LAMA1: variants seen among roughly 807,000 people sequenced by gnomAD.
LAMA1 encodes laminin subunit alpha 1.
In LAMA1, 219 loss-of-function variants were observed where a neutral mutation model predicts 348.7. The observed-to-expected ratio is 0.63, with a 90% CI of 0.56 to 0.70. LAMA1 has a LOEUF of 0.70. LAMA1 is among the 30% of genes least tolerant of loss of function. The pLI, the probability that LAMA1 is intolerant of heterozygous loss-of-function variation, is 0.00. For synonymous variants in LAMA1, 1,487 were observed against 1,491.0 expected (o/e 1.00, Z 0.06); for missense variants, 3,744 against 3,888.0 (o/e 0.96, Z 0.99).
rs546146841 is a variant in LAMA1 at position 7,018,487 on chromosome 18, T to C, written c.2702-1103A>G. Among the ~76,000 whole-genome samples the C allele has an allele frequency of 3.7e-4, 55 of 150,524 alleles. 1 individual carries two copies. In the South Asian group the frequency reaches 5.5e-3, roughly 15 times the overall value. ...CTCAGCTCACTGCAAGCTCCGCCTT[T>C]CGGGTTCATGCCATTCTCCTGCCTC... On this transcript the variant is annotated intron_variant, in intron 19 of 62. Transcript: ENST00000389658.
intron 36 of LAMA1, among the ~76,000 whole-genome samples, chr18:6,987,248 A>G (rs1426257694): frequency 6.6e-6 from 1 of 152,214 alleles, no homozygotes; most frequent in African/African-American, 2.4e-5. Context: ...TGGATTCAGG[A>G]AATTGGGACA....
At chr18:6,982,361 G>C in intron 41 of LAMA1, 136 bp downstream of exon 41, 1 of 804,418 alleles carries the variant, frequency 1.2e-6, no homozygotes, top group Non-Finnish European at 2.2e-6. Context: ...TTATATGATA[G>C]GAAATTGGAA....
At chr18:7,089,519 T>C (rs1280177108) in intron 1 of LAMA1, among the ~76,000 whole-genome samples, 1 of 152,128 alleles carries the variant, frequency 6.6e-6, no homozygotes, top group African/African-American at 2.4e-5. Flanking sequence ...GCCCATGACC[T>C]CTCACCCACA....
intron 49 of LAMA1, 129 bp from the exon 50 acceptor site, chr18:6,965,561 G>A: frequency 2.8e-6 from 3 of 1,069,146 alleles, no homozygotes; most frequent in South Asian, 2.6e-5. Context: ...CACAGCCAGA[G>A]GTCTATCGGC....
At chr18:7,112,884 C>T (rs2058341473) in intron 1 of LAMA1, among the ~76,000 whole-genome samples, 1 of 152,160 alleles carries the variant, frequency 6.6e-6, no homozygotes, top group East Asian at 1.9e-4. Context: ...ACCCACCTGC[C>T]TCGGCCTCCC....
At position 6,973,051 on chromosome 18, in the gene LAMA1, T is replaced by C. The variant is rs749400822; in HGVS notation, c.6774+6A>G. Reference sequence around the variant, plus strand: ...GTCCTGTTCAGAAGAACTTTCGTAATGTTACCTTGATTTGTCCTCCAAGAC... The same window carrying C: ...GTCCTGTTCAGAAGAACTTTCGTAACGTTACCTTGATTTGTCCTCCAAGAC... On this transcript the variant is annotated splice_donor_region_variant and intron_variant, in intron 47 of 62. Coordinates refer to ENST00000389658, the MANE Select transcript of LAMA1 (RefSeq NM_005559.4). 28 of 1,614,040 alleles carry C rather than the reference T, an allele frequency of 1.7e-5. No individual in the cohort carries two copies. The highest frequency in any genetic ancestry group is 2.2e-5 in the Non-Finnish European group (26 of 1,179,990).
intron 4 of LAMA1, 86 bp downstream of exon 4, chr18:7,050,608 T>C (rs2144201914): frequency 6.3e-7 from 1 of 1,583,980 alleles, no homozygotes; most frequent in Admixed American, 1.7e-5. Context: ...TTAAAGATCT[T>C]TGTATTGAGA....
chr18:7,033,044 C>T lies in LAMA1; in HGVS notation c.2103G>A (p.Val701=), dbSNP rs1218433410. The change falls in exon 15 of 63, where the codon GTG becomes GTA. Residue 701 remains valine, a synonymous_variant. Transcript: ENST00000389658. ...CACAGTGCTCCACATCAGCGGCCAC[C>T]ACCAGGTCGATGGCATTAGAGCTGG... ...DIASSNAIDL[V]VAADVEHCEC... is the part of the protein sequence containing the mutation. 1.9e-6 allele frequency: 3 copies of T among 1,612,576 alleles called. No homozygotes were observed. Among genetic ancestry groups the T allele is most frequent in the Admixed American group, 1.7e-5 (1 of 59,960 alleles).
chr18:6,965,795 T>C (rs1281493775), intron 49 of LAMA1: 6 of 397,228 alleles, frequency 1.5e-5, no homozygotes, highest in Admixed American at 8.6e-5. Flanking sequence ...GAAATTCCCA[T>C]GGATGGAATT....
intron 48 of LAMA1, among the ~76,000 whole-genome samples, chr18:6,967,904 A>G (rs765836184): frequency 3.3e-5 from 5 of 151,914 alleles, no homozygotes; most frequent in African/African-American, 1.2e-4. Context: ...CTCTCCCCAA[A>G]CAGGGCCTGC....
chr18:6,998,113 T>C (rs2057791232), intron 32 of LAMA1, among the ~76,000 whole-genome samples: 1 of 152,092 alleles, frequency 6.6e-6, no homozygotes, highest in Middle Eastern at 3.2e-3. Context: ...TCAGATCAGA[T>C]AAGTAACTTC....
intron 15 of LAMA1, 101 bp downstream of exon 15, chr18:7,032,883 T>A (rs1055572310): frequency 4.1e-5 from 36 of 888,664 alleles, no homozygotes; most frequent in Admixed American, 6.0e-5. Context: ...ATTGGGCTGC[T>A]AAAGCTAAAA....
intron 41 of LAMA1, 115 bp from the exon 42 acceptor site, chr18:6,980,752 C>G: frequency 1.5e-6 from 1 of 668,972 alleles, no homozygotes; most frequent in Non-Finnish European, 2.7e-6. Context: ...AAAGAGATTC[C>G]CAATATTGAC....
Position 6,985,332 on chromosome 18 carries a change from C to T in LAMA1, c.5565G>A (p.Leu1855=). Residue 1855 remains leucine, a synonymous_variant, in exon 39 of 63, where the codon CTG becomes CTA. Coordinates refer to ENST00000389658, the MANE Select transcript of LAMA1 (RefSeq NM_005559.4). ...SAKIRHHIDD[L]VMHMSQRNAV... Reference sequence around the variant, plus strand: ...CGTTCCTTTGGGACATGTGCATGACCAGGTCATCTATGTGGTGCCTGATTT... The same window carrying T: ...CGTTCCTTTGGGACATGTGCATGACTAGGTCATCTATGTGGTGCCTGATTT... 6.2e-7 allele frequency: 1 copy of T among 1,614,202 alleles called. No homozygotes were observed. Among genetic ancestry groups the T allele is most frequent in the Non-Finnish European group, 8.5e-7 (1 of 1,180,042 alleles).
intron 28 of LAMA1, among the ~76,000 whole-genome samples, chr18:7,007,686 T>C (rs1160256909): frequency 1.3e-5 from 2 of 152,168 alleles, no homozygotes; most frequent in Non-Finnish European, 1.5e-5. Context: ...TGAACCCCTA[T>C]GTTCATAGCG....
At chr18:6,988,434 C>T (rs898618596) in intron 36 of LAMA1, among the ~76,000 whole-genome samples, 1 of 152,188 alleles carries the variant, frequency 6.6e-6, no homozygotes, top group African/African-American at 2.4e-5. Context: ...GTACTAAAAG[C>T]TTTGAGAAGA....
At chr18:6,998,928 G>A (rs1005618100) in intron 32 of LAMA1, among the ~76,000 whole-genome samples, 1 of 152,208 alleles carries the variant, frequency 6.6e-6, no homozygotes, top group African/African-American at 2.4e-5. Flanking sequence ...AGCTACTCGG[G>A]AGGCTGAGGC....
In LAMA1 at chr18:7,113,158, T is replaced by C. The variant is rs143247355; in HGVS notation, c.61+4502A>G. The stretch of plus-strand genomic sequence containing the variant: ...ATAGCATTGAGCAGGGAAAGCCCTG[T>C]GAGTACAGGGAAGGTTGTCTAACAA... On this transcript the variant is annotated intron_variant, in intron 1 of 62. Transcript: ENST00000389658. Among the ~76,000 whole-genome samples the C allele has an allele frequency of 5.8e-3, 887 of 152,188 alleles. 2 individuals carry two copies. The highest frequency in any genetic ancestry group is 9.9e-3 in the Non-Finnish European group (671 of 68,010).
Position 7,117,737 on chromosome 18 carries a change from C to T in LAMA1, c.-17G>A. ...CCCGCGCATCTCGCCTCCGCCGCCA[C>T]TCGGTGGGTCTGGGGAGAAAGCCGC... is the stretch of plus-strand genomic sequence containing the variant. On this transcript the variant is annotated 5_prime_UTR_variant, in exon 1 of 63. In the 5' UTR this introduces an upstream ATG that the reference lacks. Coordinates refer to ENST00000389658, the MANE Select transcript of LAMA1 (RefSeq NM_005559.4). 1 of 1,594,956 alleles carries T rather than the reference C, an allele frequency of 6.3e-7. No homozygotes were observed. Among genetic ancestry groups the T allele is most frequent in the Non-Finnish European group, 8.5e-7 (1 of 1,176,992 alleles).
Sources: gnomAD v4.1 joint callset for allele counts (sites outside exome capture counted in the v4.1 genomes callset) on GRCh38, gnomAD v4.1.1 for gene constraint, MANE v1.5 for transcripts, NCBI Gene and HGNC (gene_info 2026-07-23, HGNC 2026-07-21) for gene names.